POLR3B: variants seen among roughly 807,000 people sequenced by gnomAD.
POLR3B encodes DNA-directed RNA polymerase III subunit RPC2.
Under a neutral mutation model 147.4 loss-of-function variants are expected in POLR3B, and 96 were observed. The ratio of observed to expected loss-of-function variants is 0.65; its 90% confidence interval spans 0.55 to 0.77. The LOEUF (loss-of-function observed/expected upper bound fraction) is 0.77. Ranked by LOEUF, POLR3B falls within the 30% of genes least tolerant of loss-of-function variation. The pLI is 0.00. For synonymous variants in POLR3B, 461 were observed against 485.9 expected, an observed-to-expected ratio of 0.95 and a Z score of 0.67; for missense variants, 1,036 against 1,413.5, an observed-to-expected ratio of 0.73 and a Z score of 4.28.
At chr12:106,362,616 C>A (rs1320554369) in intron 1 of POLR3B, among the ~76,000 whole-genome samples, 1 of 152,148 alleles carries the variant, frequency 6.6e-6, no homozygotes, top group African/African-American at 2.4e-5. Flanking sequence ...ATCTCTATGT[C>A]CAATTTCTCC....
Position 106,454,664 on chromosome 12 carries a change from A to G in POLR3B, c.2246A>G (p.Tyr749Cys). Reference sequence around the variant, plus strand: ...GTTGCTGTGATGAGCTATAGTGGCTATGATATTGAAGATGCTCTTGTTTTA... The same window carrying G: ...GTTGCTGTGATGAGCTATAGTGGCTGTGATATTGAAGATGCTCTTGTTTTA... Reference protein sequence around the residue: ...ATVAVMSYSGYDIEDALVLNK... With the variant: ...ATVAVMSYSGCDIEDALVLNK... The change falls in exon 20 of 28, where the codon TAT becomes TGT. Residue 749 changes from tyrosine to cysteine, a missense_variant. Tyr to Cys is a radical substitution (Grantham distance 194, BLOSUM62 -2). This residue lies in a region of POLR3B where 202 missense variants were observed against 272.8 expected (regional missense o/e 0.74). Transcript: ENST00000228347. The G allele has an allele frequency of 6.2e-7, 1 of 1,612,318 alleles. No homozygotes were observed. The highest frequency in any genetic ancestry group is 8.5e-7 in the Non-Finnish European group (1 of 1,178,478).
At chr12:106,440,436 T>A (rs2037634565) in intron 18 of POLR3B, among the ~76,000 whole-genome samples, 1 of 152,144 alleles carries the variant, frequency 6.6e-6, no homozygotes. Flanking sequence ...CCCTCAGAAG[T>A]CCTTACAGAA....
chr12:106,419,774 G>T (rs1320637557), intron 12 of POLR3B, among the ~76,000 whole-genome samples: 2 of 127,624 alleles, frequency 1.6e-5, no homozygotes, highest in Non-Finnish European at 3.3e-5. Context: ...TATTTATAGT[G>T]AGCCAGATAT....
At chr12:106,374,402 G>C (rs533364595) in intron 6 of POLR3B, among the ~76,000 whole-genome samples, 1 of 152,198 alleles carries the variant, frequency 6.6e-6, no homozygotes, top group Non-Finnish European at 1.5e-5. Context: ...TTTTTGTAGA[G>C]ACGGGGTTTC....
intron 19 of POLR3B, among the ~76,000 whole-genome samples, chr12:106,453,557 C>T (rs556500920): frequency 4.6e-5 from 7 of 151,928 alleles, no homozygotes; most frequent in Non-Finnish European, 1.0e-4. Context: ...AAAAGAGATA[C>T]CTAGGAGAAG....
intron 11 of POLR3B, among the ~76,000 whole-genome samples, chr12:106,407,912 G>A (rs1282880077): frequency 2.0e-5 from 3 of 152,168 alleles, no homozygotes; most frequent in Non-Finnish European, 2.9e-5. Context: ...ACATAATCCA[G>A]TGAGGAATAA....
intron 23 of POLR3B, among the ~76,000 whole-genome samples, chr12:106,489,668 T>G (rs2038383643): frequency 6.6e-6 from 1 of 152,226 alleles, no homozygotes. Context: ...AAACAAGGTT[T>G]GGTTTTGCTA....
intron 23 of POLR3B, among the ~76,000 whole-genome samples, chr12:106,479,536 A>G (rs1259008384): frequency 2.0e-5 from 3 of 151,582 alleles, no homozygotes; most frequent in Non-Finnish European, 1.5e-5. Context: ...GCCCGCCACC[A>G]TGCCTAGCTA....
chr12:106,366,291 ACT>A (rs1433795407), intron 2 of POLR3B, among the ~76,000 whole-genome samples: 1 of 152,188 alleles, frequency 6.6e-6, no homozygotes, highest in Non-Finnish European at 1.5e-5. Context: ...AAGGAGGAAA[ACT>A]CTCGAGGATA....
At chr12:106,456,404 C>G (rs1335753365) in intron 20 of POLR3B, among the ~76,000 whole-genome samples, 1 of 152,012 alleles carries the variant, frequency 6.6e-6, no homozygotes, top group Non-Finnish European at 1.5e-5. Context: ...CAGCCTTTCC[C>G]TCATCCACTA....
chr12:106,467,086 A>G (rs779178287), intron 23 of POLR3B, among the ~76,000 whole-genome samples: 12 of 152,196 alleles, frequency 7.9e-5, no homozygotes, highest in Non-Finnish European at 1.3e-4. Flanking sequence ...ATCCATGAGC[A>G]TGGAATGTTT....
intron 23 of POLR3B, among the ~76,000 whole-genome samples, chr12:106,471,799 G>C (rs530347304): frequency 2.0e-5 from 3 of 152,184 alleles, no homozygotes; most frequent in African/African-American, 7.2e-5. Flanking sequence ...TTGATGGATT[G>C]ATTTTATTCA....
chr12:106,421,204 T>C (rs2037369388), intron 12 of POLR3B, among the ~76,000 whole-genome samples: 1 of 152,024 alleles, frequency 6.6e-6, no homozygotes, highest in South Asian at 2.1e-4. Context: ...TCAAGGACTT[T>C]GTATTGTTTC....
intron 19 of POLR3B, 81 bp from the exon 20 acceptor site, chr12:106,454,421 G>C (rs1376780380): frequency 1.3e-6 from 1 of 750,528 alleles, no homozygotes; most frequent in Non-Finnish European, 2.4e-6. Flanking sequence ...TGATGTTAAT[G>C]TATTTATCTC....
chr12:106,434,914 A>G (rs916787147), intron 16 of POLR3B, among the ~76,000 whole-genome samples: 3 of 152,202 alleles, frequency 2.0e-5, no homozygotes, highest in African/African-American at 4.8e-5. Context: ...ATATGACCCA[A>G]ATGAGGTCAG....
chr12:106,427,089 A>T lies in POLR3B; in HGVS notation c.1102-108A>T, dbSNP rs967446484. ...AAATAGCAATTTTTTTTCTGTTTTA[A>T]GCAGTTTCTCCATCTTATTTTTTAA... On this transcript the variant is annotated intron_variant, in intron 12 of 27. Transcript: ENST00000228347. The T allele has an allele frequency of 4.0e-6, 3 of 755,686 alleles. No homozygotes were observed. In the Admixed American group the frequency reaches 8.4e-5, roughly 21 times the overall value. The allele number at this position is 755,686 out of a possible 1,614,324, so 46.8% of individuals were successfully genotyped here. A position where few individuals can be genotyped will look rare whatever the true frequency, so the allele number is the denominator to read the frequency against.
intron 9 of POLR3B, among the ~76,000 whole-genome samples, chr12:106,387,154 A>G (rs896884924): frequency 6.6e-6 from 1 of 152,190 alleles, no homozygotes; most frequent in African/African-American, 2.4e-5. Context: ...ACATTTTTGG[A>G]TATATTTTTC....
intron 7 of POLR3B, among the ~76,000 whole-genome samples, chr12:106,377,960 T>C (rs1380966397): frequency 1.3e-5 from 2 of 152,172 alleles, no homozygotes. Context: ...TGGTGGCACA[T>C]GCCTCTAGTC....
rs2036915962 is a variant in POLR3B at position 106,391,651 on chromosome 12, C to G, written c.724-1380C>G. The stretch of plus-strand genomic sequence containing the variant: ...GAAGGGATCTGGTTTTTCATTTATG[C>G]AAATGAGAAAACAAAGGCGAAGAGG... On this transcript the variant is annotated intron_variant, in intron 9 of 27. Coordinates refer to ENST00000228347, the MANE Select transcript of POLR3B (RefSeq NM_018082.6). 2.0e-5 allele frequency among the ~76,000 whole-genome samples: 3 copies of G among 152,124 alleles called. No homozygotes were observed. The South Asian group carries it at 6.2e-4, about 31-fold the overall frequency.
Sources: allele counts gnomAD v4.1 joint callset (sites outside exome capture counted in the v4.1 genomes callset), GRCh38; gene constraint gnomAD v4.1.1; regional missense constraint gnomAD v4.1.1; transcripts MANE v1.5; gene names NCBI Gene and HGNC (gene_info 2026-07-23, HGNC 2026-07-21).